The following MTMR9 variants were observed in gnomAD, a reference collection of about 807,000 sequenced individuals.
The protein encoded by MTMR9 is myotubularin-related protein 9.
Under a neutral mutation model 69.5 loss-of-function variants are expected in MTMR9, and 39 were observed. That is an observed-to-expected ratio of 0.56 (90% CI 0.43 to 0.73). The LOEUF (loss-of-function observed/expected upper bound fraction) is 0.73, where lower values mean the gene tolerates loss of function less well. Ranked by LOEUF, MTMR9 falls within the 30% of genes least tolerant of loss-of-function variation. The pLI is 0.00. For synonymous variants in MTMR9, 354 were observed against 240.8 expected (o/e 1.47, Z -4.35); for missense variants, 900 against 671.2 (o/e 1.34, Z -3.77).
At chr8:11,328,204 C>G (rs1347193642), downstream of MTMR9, 1 of 151,708 alleles carries the variant, frequency 6.6e-6, no homozygotes, top group African/African-American at 2.4e-5. Context: ...GATGGTGTTT[C>G]AATTAAATCT....
chr8:11,285,042 C>T lies in MTMR9; in HGVS notation c.154C>T (p.His52Tyr). ...CAATACGGAGGAGCTGTGGCTCCTCCATTCAAACATCGACGCCATCGACAA... is the reference window on the plus strand; with the variant it reads ...CAATACGGAGGAGCTGTGGCTCCTCTATTCAAACATCGACGCCATCGACAA... ...QDNTEELWLL[H>Y]SNIDAIDKRF... is the part of the protein sequence containing the mutation. Residue 52 changes from histidine (H) to tyrosine (Y), a missense_variant, in exon 1 of 10, where the codon CAT becomes TAT. Coordinates refer to ENST00000221086, the MANE Select transcript of MTMR9 (RefSeq NM_015458.4). 6 of 1,610,562 alleles carry T rather than the reference C, an allele frequency of 3.7e-6. No individual in the cohort carries two copies. The highest frequency in any genetic ancestry group is 5.1e-6 in the Non-Finnish European group (6 of 1,178,122).
At chr8:11,293,949 T>C (rs907425967) in intron 1 of MTMR9, among the ~76,000 whole-genome samples, 3 of 152,238 alleles carry the variant, frequency 2.0e-5, no homozygotes, top group Non-Finnish European at 4.4e-5. Context: ...TGTAGCTTTA[T>C]AGTAAGCCTT....
At chr8:11,338,139 C>T in the MTMR9 span, among the ~76,000 whole-genome samples, 1 of 152,200 alleles carries the variant, frequency 6.6e-6, no homozygotes, top group Non-Finnish European at 1.5e-5. Context: ...AGCGTCCTGG[C>T]AAGGACATCT....
chr8:11,289,094 C>A (rs1458327699), intron 1 of MTMR9, among the ~76,000 whole-genome samples: 1 of 152,018 alleles, frequency 6.6e-6, no homozygotes, highest in African/African-American at 2.4e-5. Flanking sequence ...ATCACTTCAC[C>A]CTGGGAGGCC....
intron 1 of MTMR9, among the ~76,000 whole-genome samples, chr8:11,287,035 C>G (rs1015631922): frequency 1.3e-5 from 2 of 152,194 alleles, no homozygotes; most frequent in East Asian, 3.8e-4. Flanking sequence ...CAGTTCTTGT[C>G]TTTCAGGAGT....
rs1801032826 is a variant in MTMR9 at position 11,328,145 on chromosome 8, A to C, written c.*5357A>C. 7.1e-6 allele frequency: 1 copy of C among 140,604 alleles called. No individual in the cohort carries two copies. The highest frequency in any genetic ancestry group is 1.5e-5 in the Non-Finnish European group (1 of 65,630). 8.7% of individuals were successfully genotyped at this position (140,604 alleles called of 1,614,324 possible). A position where few individuals can be genotyped will look rare whatever the true frequency, so the allele number is the denominator to read the frequency against. ...AATATATTTAAGTGCTAATAAATTA[A>C]ATCTGTGGGCTTATTTGAATTTTTT... On this transcript the variant is annotated 3_prime_UTR_variant, in exon 10 of 10. Coordinates refer to ENST00000221086, the MANE Select transcript of MTMR9 (RefSeq NM_015458.4).
chr8:11,293,723 A>G (rs1799448116), intron 1 of MTMR9, among the ~76,000 whole-genome samples: 1 of 151,212 alleles, frequency 6.6e-6, no homozygotes, highest in Admixed American at 6.6e-5. Flanking sequence ...ATTTTGAGTT[A>G]GTTTTTGTAT....
chr8:11,290,239 A>G (rs186711785), intron 1 of MTMR9, among the ~76,000 whole-genome samples: 2 of 152,284 alleles, frequency 1.3e-5, no homozygotes, highest in Admixed American at 6.5e-5. Flanking sequence ...TGTGAGCAGT[A>G]TACTTAAAAT....
downstream of MTMR9, among the ~76,000 whole-genome samples, chr8:11,328,373 T>TGTG (rs58161499): frequency 0.063 from 8,155 of 128,868 alleles, 282 homozygotes; most frequent in African/African-American, 0.12. Context: ...GTGTGTGTGT[T>TGTG]TGTTACACTG....
At chr8:11,302,253 C>CAAAAAAAAA (rs34305448) in intron 3 of MTMR9, among the ~76,000 whole-genome samples, 1 of 58,970 alleles carries the variant, frequency 1.7e-5, no homozygotes, top group African/African-American at 6.8e-5. Context: ...ACCCTGTCTC[C>CAAAAAAAAA]AAAAAAAAAA....
the MTMR9 span, among the ~76,000 whole-genome samples, chr8:11,334,339 A>G: frequency 6.6e-6 from 1 of 152,206 alleles, no homozygotes; most frequent in African/African-American, 2.4e-5. Context: ...GTTATTGAGC[A>G]CTCAATGTAT....
intron 2 of MTMR9, 118 bp downstream of exon 2, chr8:11,295,420 T>C: frequency 4.3e-6 from 3 of 693,516 alleles, no homozygotes; most frequent in Non-Finnish European, 7.5e-6. Flanking sequence ...TACTGAAGAC[T>C]GATAGGAAAA....
chr8:11,293,644 A>G (rs910479645), intron 1 of MTMR9, among the ~76,000 whole-genome samples: 2 of 152,030 alleles, frequency 1.3e-5, no homozygotes, highest in Non-Finnish European at 2.9e-5. Flanking sequence ...TAAGGTCACA[A>G]ATATTTTCTC....
rs1055532127 is a variant in MTMR9 at position 11,306,205 on chromosome 8, G to A, written c.607G>A (p.Gly203Ser). 4 of 1,613,000 alleles carry A rather than the reference G, an allele frequency of 2.5e-6. No individual in the cohort carries two copies. Among genetic ancestry groups the A allele is most frequent in the Non-Finnish European group, 3.4e-6 (4 of 1,179,880 alleles). ...KKNGMVIMRSGQPLTGTNGRR... is the reference protein window; with the variant it reads ...KKNGMVIMRSSQPLTGTNGRR... ...ATGCTTCTAGGTAATTATGCGAAGT[G>A]GTCAGCCACTCACTGGTACAAACGG... Residue 203 changes from glycine to serine, a missense_variant, in exon 5 of 10, where the codon GGT becomes AGT. Gly to Ser is a moderately conservative substitution (Grantham distance 56, BLOSUM62 0). Coordinates refer to ENST00000221086, the MANE Select transcript of MTMR9 (RefSeq NM_015458.4).
chr8:11,298,994 A>G (rs1799657933), intron 2 of MTMR9: 4 of 581,256 alleles, frequency 6.9e-6, no homozygotes, highest in Non-Finnish European at 8.7e-6. Flanking sequence ...GAAGAGAGGA[A>G]ATGAACATTG....
At chr8:11,305,404 GTATT>G (rs1004594523) in intron 4 of MTMR9, among the ~76,000 whole-genome samples, 6 of 152,294 alleles carry the variant, frequency 3.9e-5, no homozygotes, top group Admixed American at 3.9e-4. Context: ...TGGAGCAGAC[GTATT>G]TATTTTCAAA....
intron 1 of MTMR9, among the ~76,000 whole-genome samples, chr8:11,289,093 C>A (rs55770993): frequency 6.6e-6 from 1 of 152,120 alleles, no homozygotes; most frequent in African/African-American, 2.4e-5. Context: ...AATCACTTCA[C>A]CCTGGGAGGC....
At chr8:11,289,827 T>G (rs560732472) in intron 1 of MTMR9, among the ~76,000 whole-genome samples, 2 of 152,372 alleles carry the variant, frequency 1.3e-5, no homozygotes, top group Non-Finnish European at 2.9e-5. Context: ...ACCATTTCAC[T>G]GCTTCTGACA....
intron 9 of MTMR9, chr8:11,320,516 G>T (rs1179203007): frequency 1.3e-5 from 2 of 152,208 alleles, no homozygotes; most frequent in Non-Finnish European, 2.9e-5. Flanking sequence ...ATCACTTGAG[G>T]TCAGAAGTTC....
Sources: allele counts gnomAD v4.1 joint callset (sites outside exome capture counted in the v4.1 genomes callset), GRCh38; gene constraint gnomAD v4.1.1; transcripts MANE v1.5; gene names NCBI Gene and HGNC (gene_info 2026-07-23, HGNC 2026-07-21).